Variants in EPHA6 observed in about 807,000 individuals in gnomAD.
The protein encoded by EPHA6 is EPH receptor A6, also known as ephrin type-A receptor 6.
Under a neutral mutation model 112.0 loss-of-function variants are expected in EPHA6, and 50 were observed. The observed-to-expected ratio is 0.45, with a 90% CI of 0.36 to 0.56. The LOEUF (loss-of-function observed/expected upper bound fraction) is 0.56, where lower values mean the gene tolerates loss of function less well. EPHA6 is among the 20% of genes least tolerant of loss of function. The probability of loss-of-function intolerance (pLI) is 0.00; values close to 1 mark genes in which losing one functional copy is unlikely to be tolerated. For synonymous variants in EPHA6, 529 were observed against 490.7 expected, an observed-to-expected ratio of 1.08 and a Z score of -1.03; for missense variants, 1,280 against 1,417.4, an observed-to-expected ratio of 0.90 and a Z score of 1.56.
intron 11 of EPHA6, among the ~76,000 whole-genome samples, chr3:97,558,555 C>T (rs2093146208): frequency 6.6e-6 from 1 of 151,932 alleles, no homozygotes; most frequent in Admixed American, 6.6e-5. Context: ...TCTGCTACAC[C>T]TCCACCTTCT....
chr3:96,818,679 T>C (rs1004246181), intron 1 of EPHA6, among the ~76,000 whole-genome samples: 1 of 151,984 alleles, frequency 6.6e-6, no homozygotes, highest in African/African-American at 2.4e-5. Context: ...ATTGTTCTTA[T>C]ATTTATAGAA....
intron 6 of EPHA6, among the ~76,000 whole-genome samples, chr3:97,444,444 A>T (rs1036094103): frequency 6.6e-6 from 1 of 152,166 alleles, no homozygotes. Context: ...GACATTAAAA[A>T]AATATTGAAT....
chr3:97,268,323 G>T (rs908473165), intron 5 of EPHA6, among the ~76,000 whole-genome samples: 30 of 152,284 alleles, frequency 2.0e-4, no homozygotes, highest in African/African-American at 7.0e-4. Flanking sequence ...CAAGTTTGGT[G>T]CATTTTAATC....
At chr3:97,300,756 T>C (rs1277786327) in intron 5 of EPHA6, among the ~76,000 whole-genome samples, 1 of 152,042 alleles carries the variant, frequency 6.6e-6, no homozygotes, top group Non-Finnish European at 1.5e-5. Flanking sequence ...TACTTGCAAC[T>C]AGTTTAGAAT....
chr3:97,152,116 G>A (rs1216609139), intron 3 of EPHA6, among the ~76,000 whole-genome samples: 1 of 151,866 alleles, frequency 6.6e-6, no homozygotes, highest in African/African-American at 2.4e-5. Flanking sequence ...TGGCCATAAT[G>A]ACTGAGAAAC....
rs1168379666 is a variant in EPHA6, at chr3:96,814,928, A to C, written c.305A>C (p.Glu102Ala). 6.4e-7 allele frequency: 1 copy of C among 1,551,312 alleles called. No homozygotes were observed. The highest frequency in any genetic ancestry group is 8.7e-7 in the Non-Finnish European group (1 of 1,146,684). ...RRTMGGCEVREFLLQFGFFLP... is the reference protein window; with the variant it reads ...RRTMGGCEVRAFLLQFGFFLP... ...ACCATGGGGGGCTGCGAAGTCCGGG[A>C]ATTTCTTTTGCAATTTGGTTTCTTC... The change falls in exon 1 of 18, where the codon GAA becomes GCA. Residue 102 changes from glutamate to alanine, a missense_variant. By Grantham distance (107) the Glu-to-Ala change is moderately radical. Around this residue, in one of 4 missense-constraint regions of EPHA6, gnomAD observed 220 missense variants for 171.5 expected, o/e 1.28. Coordinates refer to ENST00000389672, the MANE Select transcript of EPHA6 (RefSeq NM_001080448.3).
intron 11 of EPHA6, among the ~76,000 whole-genome samples, chr3:97,581,938 A>G (rs2093442583): frequency 6.6e-6 from 1 of 152,262 alleles, no homozygotes; most frequent in African/African-American, 2.4e-5. Context: ...TGAACAACAC[A>G]TTCAAATAAC....
intron 3 of EPHA6, among the ~76,000 whole-genome samples, chr3:97,179,143 C>A (rs1030031903): frequency 1.3e-5 from 2 of 151,922 alleles, no homozygotes; most frequent in African/African-American, 4.8e-5. Flanking sequence ...TCTGCTTGAT[C>A]CATTCTGCTA....
chr3:97,712,480 G>A (rs1448652523), intron 14 of EPHA6, among the ~76,000 whole-genome samples: 1 of 152,156 alleles, frequency 6.6e-6, no homozygotes, highest in African/African-American at 2.4e-5. Context: ...TGTACTGTCA[G>A]TAGTGTTTAA....
intron 5 of EPHA6, among the ~76,000 whole-genome samples, chr3:97,263,178 G>T (rs965616268): frequency 2.6e-5 from 4 of 151,922 alleles, no homozygotes; most frequent in Admixed American, 2.6e-4. Flanking sequence ...AGTATAATCT[G>T]GTTTATAAAT....
chr3:96,924,832 A>AT (rs752943276), intron 2 of EPHA6, among the ~76,000 whole-genome samples: 16 of 152,188 alleles, frequency 1.1e-4, no homozygotes, highest in African/African-American at 3.9e-4. Flanking sequence ...TTATTGAGAG[A>AT]TTTTAACATG....
At chr3:97,098,165 G>A (rs1576483500) in intron 3 of EPHA6, among the ~76,000 whole-genome samples, 1 of 151,716 alleles carries the variant, frequency 6.6e-6, no homozygotes, top group South Asian at 2.1e-4. Flanking sequence ...ATAGCAATGC[G>A]GCATATTACA....
chr3:97,134,430 G>A (rs185108427), intron 3 of EPHA6, among the ~76,000 whole-genome samples: 1 of 152,168 alleles, frequency 6.6e-6, no homozygotes, highest in African/African-American at 2.4e-5. Flanking sequence ...TTTGGCTACT[G>A]GTGTATGTGC....
chr3:97,100,546 T>A (rs1000650541), intron 3 of EPHA6, among the ~76,000 whole-genome samples: 1 of 151,912 alleles, frequency 6.6e-6, no homozygotes, highest in Non-Finnish European at 1.5e-5. Context: ...TCTTTAGTAC[T>A]AAGACTGAGA....
chr3:97,713,159 G>A (rs1384800213), intron 14 of EPHA6, among the ~76,000 whole-genome samples: 1 of 152,160 alleles, frequency 6.6e-6, no homozygotes, highest in Non-Finnish European at 1.5e-5. Context: ...TCTGATGAAA[G>A]ACTTGGTGAG....
chr3:97,110,128 T>G (rs1476472040), intron 3 of EPHA6, among the ~76,000 whole-genome samples: 1 of 152,170 alleles, frequency 6.6e-6, no homozygotes, highest in Non-Finnish European at 1.5e-5. Flanking sequence ...CTTTGCATAT[T>G]CATTGCATTT....
intron 2 of EPHA6, among the ~76,000 whole-genome samples, chr3:96,958,629 T>G (rs2041849273): frequency 6.6e-6 from 1 of 152,318 alleles, no homozygotes; most frequent in African/African-American, 2.4e-5. Flanking sequence ...TTAACAGTCC[T>G]TCATTCCTCC....
chr3:97,697,936 A>G (rs1023022991), intron 14 of EPHA6, among the ~76,000 whole-genome samples: 1 of 152,214 alleles, frequency 6.6e-6, no homozygotes, highest in Non-Finnish European at 1.5e-5. Flanking sequence ...GAAGTGAAGT[A>G]AAATATTAAT....
intron 13 of EPHA6, among the ~76,000 whole-genome samples, chr3:97,620,029 A>G (rs1349089660): frequency 1.3e-5 from 2 of 152,270 alleles, no homozygotes; most frequent in Admixed American, 6.6e-5. Flanking sequence ...CCATAGGACT[A>G]CAGTGAGCAA....
Sources: allele counts gnomAD v4.1 joint callset (sites outside exome capture counted in the v4.1 genomes callset), GRCh38; gene constraint gnomAD v4.1.1; regional missense constraint gnomAD v4.1.1; transcripts MANE v1.5; gene names NCBI Gene and HGNC (gene_info 2026-07-23, HGNC 2026-07-21).